The following PKP4 variants were observed in gnomAD, a reference collection of about 807,000 sequenced individuals.
PKP4 encodes the protein plakophilin 4.
Under a neutral mutation model 145.1 loss-of-function variants are expected in PKP4, and 90 were observed. That is an observed-to-expected ratio of 0.62 (90% CI 0.52 to 0.74). PKP4 has a LOEUF of 0.74. Ranked by LOEUF, PKP4 falls within the 30% of genes least tolerant of loss-of-function variation. The pLI is 0.00. For synonymous variants in PKP4, 563 were observed against 577.2 expected (o/e 0.98, Z 0.35); for missense variants, 1,340 against 1,482.7 (o/e 0.90, Z 1.58).
At chr2:158,579,875 A>C (rs111274693) in intron 3 of PKP4, among the ~76,000 whole-genome samples, 1 of 151,948 alleles carries the variant, frequency 6.6e-6, no homozygotes, top group African/African-American at 2.4e-5. Flanking sequence ...ATATATTGCT[A>C]TATATATAGC....
intron 3 of PKP4, among the ~76,000 whole-genome samples, chr2:158,594,434 A>G (rs1304713452): frequency 6.6e-6 from 1 of 152,232 alleles, no homozygotes; most frequent in African/African-American, 2.4e-5. Flanking sequence ...ACATAAAAAT[A>G]ACTAAACTAC....
At chr2:158,655,462 A>G (rs2055819016) in intron 11 of PKP4, among the ~76,000 whole-genome samples, 2 of 152,212 alleles carry the variant, frequency 1.3e-5, no homozygotes, top group Non-Finnish European at 2.9e-5. Context: ...CATCAACTCC[A>G]GGATCCAATA....
chr2:158,568,760 G>A (rs1191502469), intron 2 of PKP4, among the ~76,000 whole-genome samples: 2 of 152,040 alleles, frequency 1.3e-5, no homozygotes, highest in African/African-American at 4.8e-5. Context: ...GATCACCTGA[G>A]GTCTGGAGTT....
intron 2 of PKP4, among the ~76,000 whole-genome samples, chr2:158,573,981 A>G (rs2047627347): frequency 6.6e-6 from 1 of 152,272 alleles, no homozygotes; most frequent in South Asian, 2.1e-4. Flanking sequence ...TGGGACAGCC[A>G]GCCTTTCCTT....
At chr2:158,534,816 A>G (rs555463027) in intron 2 of PKP4, among the ~76,000 whole-genome samples, 37 of 152,316 alleles carry the variant, frequency 2.4e-4, no homozygotes, top group African/African-American at 8.7e-4. Context: ...TCAAAATTTT[A>G]TCTTCTGGCA....
chr2:158,530,373 T>G (rs1484992014), intron 1 of PKP4, among the ~76,000 whole-genome samples: 1 of 152,152 alleles, frequency 6.6e-6, no homozygotes, highest in African/African-American at 2.4e-5. Context: ...CAAAAATGGT[T>G]CAGCAACCTA....
chr2:158,550,720 T>TA (rs2045548937), intron 2 of PKP4, among the ~76,000 whole-genome samples: 1 of 152,372 alleles, frequency 6.6e-6, no homozygotes, highest in South Asian at 2.1e-4. Flanking sequence ...TGAAACTTTT[T>TA]ATCACTCAAG....
intron 7 of PKP4, 152 bp from the exon 8 acceptor site, chr2:158,631,601 G>C (rs945883741): frequency 5.7e-6 from 4 of 700,148 alleles, no homozygotes; most frequent in African/African-American, 5.4e-5. Flanking sequence ...TCTGTTCCCA[G>C]ACTGGTCTCA....
At chr2:158,622,108 C>A (rs2052320602) in intron 6 of PKP4, among the ~76,000 whole-genome samples, 2 of 152,110 alleles carry the variant, frequency 1.3e-5, no homozygotes, top group African/African-American at 2.4e-5. Flanking sequence ...CTCTAGAGGG[C>A]AGGGTGCTAT....
chr2:158,492,792 T>C (rs981510009), intron 1 of PKP4, among the ~76,000 whole-genome samples: 12 of 152,380 alleles, frequency 7.9e-5, no homozygotes, highest in African/African-American at 2.6e-4. Flanking sequence ...AGAAGTGTTA[T>C]ACGTGTTTAC....
Position 158,533,201 on chromosome 2 carries a change from A to C in PKP4, c.17A>C (p.Gln6Pro). 1.2e-6 allele frequency: 2 copies of C among 1,613,152 alleles called. No individual in the cohort carries two copies. Among genetic ancestry groups the C allele is most frequent in the Non-Finnish European group, 1.7e-6 (2 of 1,179,808 alleles). Residue 6 changes from glutamine to proline, a missense_variant, in exon 2 of 22, where the codon CAG (glutamine) becomes CCG (proline). Coordinates refer to ENST00000389759, the MANE Select transcript of PKP4 (RefSeq NM_003628.6). Reference protein sequence around the residue: MPAPEQASLVEEGQPQ... With the variant: MPAPEPASLVEEGQPQ... ...GCAGGAGGAATGCCAGCTCCTGAGC[A>C]GGCCTCATTGGTGGAGGAGGGGCAA...
At chr2:158,488,294 C>T (rs899943037) in intron 1 of PKP4, among the ~76,000 whole-genome samples, 8 of 152,164 alleles carry the variant, frequency 5.3e-5, no homozygotes, top group Non-Finnish European at 8.8e-5. Flanking sequence ...ACTTCCTAGG[C>T]GCCATACCCT....
chr2:158,478,103 A>G (rs1692777349), intron 1 of PKP4, among the ~76,000 whole-genome samples: 1 of 152,130 alleles, frequency 6.6e-6, no homozygotes, highest in African/African-American at 2.4e-5. Flanking sequence ...TTTTGTTTTG[A>G]AAGGGTGTGG....
chr2:158,680,347 C>A, intron 21 of PKP4, 82 bp from the exon 22 acceptor site: 3 of 1,009,044 alleles, frequency 3.0e-6, no homozygotes, highest in Non-Finnish European at 4.4e-6. Context: ...AAATATGAAG[C>A]AGGAAGCCCA....
At chr2:158,633,326 T>C (rs1349851229) in intron 8 of PKP4, among the ~76,000 whole-genome samples, 1 of 152,222 alleles carries the variant, frequency 6.6e-6, no homozygotes, top group Non-Finnish European at 1.5e-5. Flanking sequence ...ATAGAACAAT[T>C]AAGTAAAATA....
intron 1 of PKP4, among the ~76,000 whole-genome samples, chr2:158,528,253 A>G (rs1299733716): frequency 1.3e-5 from 2 of 150,330 alleles, no homozygotes; most frequent in Admixed American, 6.7e-5. Context: ...TCCAACAATG[A>G]TAGACTGGAT....
chr2:158,507,320 T>C (rs139431446), intron 1 of PKP4, among the ~76,000 whole-genome samples: 17 of 152,354 alleles, frequency 1.1e-4, no homozygotes, highest in African/African-American at 4.1e-4. Context: ...TTTATGCCGC[T>C]AATGGGGTAG....
chr2:158,472,609 T>G (rs1691760432), intron 1 of PKP4, among the ~76,000 whole-genome samples: 3 of 84,374 alleles, frequency 3.6e-5, no homozygotes, highest in African/African-American at 1.5e-4. Flanking sequence ...CGAGGCTCCA[T>G]CTCAAAAAAA....
At chr2:158,549,985 T>C (rs978496086) in intron 2 of PKP4, among the ~76,000 whole-genome samples, 1 of 152,158 alleles carries the variant, frequency 6.6e-6, no homozygotes, top group African/African-American at 2.4e-5. Flanking sequence ...CTCATAGCAG[T>C]GTCGCTAATG....
Sources: allele counts gnomAD v4.1 joint callset (sites outside exome capture counted in the v4.1 genomes callset), GRCh38; gene constraint gnomAD v4.1.1; transcripts MANE v1.5; gene names NCBI Gene and HGNC (gene_info 2026-07-23, HGNC 2026-07-21).